The following MGAT4C variants were observed in gnomAD, a reference collection of about 807,000 sequenced individuals.
MGAT4C encodes alpha-1,3-mannosyl-glycoprotein 4-beta-N-acetylglucosaminyltransferase C.
Under a neutral mutation model 40.1 loss-of-function variants are expected in MGAT4C, and 19 were observed. The observed-to-expected ratio is 0.47, with a 90% CI of 0.33 to 0.70. The LOEUF is 0.70. Among genes scored for constraint, MGAT4C ranks in the 30% least tolerant of loss-of-function variants. The pLI, the probability that MGAT4C is intolerant of heterozygous loss-of-function variation, is 0.02. For missense variants in MGAT4C, 491 were observed against 563.2 expected, an observed-to-expected ratio of 0.87 and a Z score of 1.30; for synonymous variants, 181 against 187.1, an observed-to-expected ratio of 0.97 and a Z score of 0.27.
intron 4 of MGAT4C, among the ~76,000 whole-genome samples, chr12:86,288,475 T>G (rs970226798): frequency 1.3e-5 from 2 of 152,150 alleles, no homozygotes; most frequent in Non-Finnish European, 2.9e-5. Flanking sequence ...TTTTATATGG[T>G]TTTAGGTCTT....
Position 86,671,350 on chromosome 12 carries a change from G to T in MGAT4C, c.-229+55859C>A, listed in dbSNP as rs969460400. Among the ~76,000 whole-genome samples the T allele has an allele frequency of 8.5e-5, 13 of 152,222 alleles. No individual in the cohort carries two copies. In the East Asian group the frequency reaches 2.1e-3, roughly 25 times the overall value. On this transcript the variant is annotated intron_variant, in intron 2 of 7. Coordinates refer to the MGAT4C transcript ENST00000548651. ...CACTTTTTTTTCTAAATGGGAAAAGGGTTAAAGGCAGCTAGAGAAAAAGGT... is the reference window on the plus strand; with the variant it reads ...CACTTTTTTTTCTAAATGGGAAAAGTGTTAAAGGCAGCTAGAGAAAAAGGT...
intron 1 of MGAT4C, among the ~76,000 whole-genome samples, chr12:86,789,044 A>G (rs1166960086): frequency 2.0e-5 from 3 of 152,130 alleles, no homozygotes; most frequent in Non-Finnish European, 4.4e-5. Flanking sequence ...CTGAAATAGT[A>G]TAAAAGGTTA....
intron 2 of MGAT4C, among the ~76,000 whole-genome samples, chr12:86,679,660 A>G (rs1304607639): frequency 6.6e-6 from 1 of 152,118 alleles, no homozygotes; most frequent in African/African-American, 2.4e-5. Context: ...CTTATAAAAG[A>G]GATCTCAGAG....
chr12:86,805,076 A>T (rs1378211865), intron 1 of MGAT4C, among the ~76,000 whole-genome samples: 3 of 151,990 alleles, frequency 2.0e-5, no homozygotes, highest in Admixed American at 6.6e-5. Context: ...AGAAATGCAC[A>T]TTTGTCCTTT....
At chr12:86,446,549 CT>C (rs1592858283) in intron 2 of MGAT4C, among the ~76,000 whole-genome samples, 1 of 149,716 alleles carries the variant, frequency 6.7e-6, no homozygotes, top group East Asian at 2.0e-4. Flanking sequence ...TGTCTTATTG[CT>C]TTTTTACTCA....
chr12:86,826,942 C>A (rs1952820337), intron 1 of MGAT4C, among the ~76,000 whole-genome samples: 1 of 151,272 alleles, frequency 6.6e-6, no homozygotes, highest in Non-Finnish European at 1.5e-5. Context: ...ATTAAAGAAG[C>A]TTTCTAGACA....
At chr12:86,503,242 A>T in intron 2 of MGAT4C, among the ~76,000 whole-genome samples, 1 of 12,948 alleles carries the variant, frequency 7.7e-5, no homozygotes, top group Admixed American at 9.3e-4. Flanking sequence ...TATATATATG[A>T]GTTCTGCTCA....
chr12:86,537,039 TA>T, intron 2 of MGAT4C, among the ~76,000 whole-genome samples: 1 of 152,218 alleles, frequency 6.6e-6, no homozygotes, highest in African/African-American at 2.4e-5. Flanking sequence ...TATGCAGCCA[TA>T]AAAAATGATG....
At chr12:86,491,613 T>A (rs1413907165) in intron 2 of MGAT4C, among the ~76,000 whole-genome samples, 3 of 151,994 alleles carry the variant, frequency 2.0e-5, no homozygotes, top group Non-Finnish European at 4.4e-5. Context: ...TGCTAAAAAC[T>A]CTCAATAAAT....
At chr12:86,394,616 T>TTTTA (rs1956220402) in intron 3 of MGAT4C, among the ~76,000 whole-genome samples, 1 of 135,472 alleles carries the variant, frequency 7.4e-6, no homozygotes, top group Non-Finnish European at 1.6e-5. Context: ...TATATATACT[T>TTTTA]TATATATATA....
chr12:86,097,870 A>G (rs967687694), intron 1 of MGAT4C, among the ~76,000 whole-genome samples: 8 of 151,772 alleles, frequency 5.3e-5, no homozygotes, highest in Admixed American at 2.0e-4. Context: ...CTACTACTGC[A>G]TCTTCCCCTG....
intron 4 of MGAT4C, among the ~76,000 whole-genome samples, chr12:86,306,700 T>TAC (rs572024121): frequency 6.6e-6 from 1 of 150,608 alleles, no homozygotes; most frequent in East Asian, 2.0e-4. Context: ...CTGTGGAAGT[T>TAC]TAATTGTAAA....
chr12:86,050,606 A>G (rs1242446219), intron 1 of MGAT4C, among the ~76,000 whole-genome samples: 3 of 152,034 alleles, frequency 2.0e-5, no homozygotes, highest in Non-Finnish European at 2.9e-5. Context: ...GTCAACTGTG[A>G]ACATTTATAT....
At chr12:86,661,594 A>G (rs1208044715) in intron 2 of MGAT4C, among the ~76,000 whole-genome samples, 1 of 152,192 alleles carries the variant, frequency 6.6e-6, no homozygotes, top group Admixed American at 6.5e-5. Context: ...AGGTAGTCCA[A>G]GGTGAGTTAA....
At chr12:86,222,422 CTATTA>C (rs1462713104) in intron 1 of MGAT4C, among the ~76,000 whole-genome samples, 2 of 152,062 alleles carry the variant, frequency 1.3e-5, no homozygotes, top group African/African-American at 4.8e-5. Context: ...CAGATTTTTT[CTATTA>C]TATTTTCCTG....
chr12:86,351,840 A>C (rs931551020), intron 3 of MGAT4C, among the ~76,000 whole-genome samples: 1 of 152,076 alleles, frequency 6.6e-6, no homozygotes, highest in African/African-American at 2.4e-5. Flanking sequence ...AATTCTGTCA[A>C]GGCCATCACA....
In MGAT4C at chr12:86,699,052, A is replaced by T. The variant is rs557205808; in HGVS notation, c.-229+28157T>A. ...AACTAGAGGATTAATTTATATTGCA[A>T]AAGAAATGTTAAAATTCTAATCATT... is the stretch of plus-strand genomic sequence containing the variant. On this transcript the variant is annotated intron_variant, in intron 2 of 7. Coordinates refer to the MGAT4C transcript ENST00000548651. 2.6e-5 allele frequency among the ~76,000 whole-genome samples: 4 copies of T among 152,276 alleles called. No homozygotes were observed. The South Asian group carries it at 6.2e-4, about 24-fold the overall frequency.
intron 1 of MGAT4C, among the ~76,000 whole-genome samples, chr12:86,068,973 G>A (rs1384048002): frequency 1.3e-5 from 2 of 152,152 alleles, no homozygotes; most frequent in African/African-American, 2.4e-5. Flanking sequence ...CTTAAAATTC[G>A]AATTCACCAC....
chr12:86,561,794 C>G (rs568765241), intron 2 of MGAT4C, among the ~76,000 whole-genome samples: 2 of 152,272 alleles, frequency 1.3e-5, no homozygotes, highest in African/African-American at 4.8e-5. Context: ...CTGACTAATA[C>G]AGATTTTGGT....
Sources: allele counts gnomAD v4.1 joint callset (sites outside exome capture counted in the v4.1 genomes callset), GRCh38; gene constraint gnomAD v4.1.1; transcripts MANE v1.5; gene names NCBI Gene and HGNC (gene_info 2026-07-23, HGNC 2026-07-21).